The following AP1B1 variants were observed in gnomAD, a reference collection of about 807,000 sequenced individuals.
AP1B1 encodes AP-1 complex subunit beta-1.
Under a neutral mutation model 104.3 loss-of-function variants are expected in AP1B1, and 36 were observed. That is an observed-to-expected ratio of 0.35 (90% CI 0.26 to 0.46). The LOEUF is 0.46. AP1B1 is among the 20% of genes least tolerant of loss of function. AP1B1 has a pLI of 1.00. For synonymous variants in AP1B1, 504 were observed against 517.5 expected, an observed-to-expected ratio of 0.97 and a Z score of 0.35; for missense variants, 901 against 1,247.9, an observed-to-expected ratio of 0.72 and a Z score of 4.19.
chr22:29,331,486 G>T lies in AP1B1; in HGVS notation c.2487C>A (p.Tyr829Ter). The change falls in exon 19 of 23, where the codon TAC becomes TAA. Residue 829 changes from tyrosine to a stop codon, truncating the protein, a stop_gained. Coordinates refer to ENST00000357586, the MANE Select transcript of AP1B1 (RefSeq NM_001127.4). LOFTEE classifies it high-confidence loss of function. ...CCTCCACAAAGAGGATGTGCAGTGG[G>T]TACAAGGTGCTGAAGTAGAAGACAT... The part of the protein sequence containing the change: ...NIDVFYFSTL[Y>*]PLHILFVEDG... 1 of 1,614,204 alleles carries T rather than the reference G, an allele frequency of 6.2e-7. No individual in the cohort carries two copies. Among genetic ancestry groups the T allele is most frequent in the East Asian group, 2.2e-5 (1 of 44,890 alleles).
chr22:29,331,318 G>T, intron 19 of AP1B1, 131 bp downstream of exon 19: 1 of 915,228 alleles, frequency 1.1e-6, no homozygotes, highest in Non-Finnish European at 1.8e-6. Flanking sequence ...GCCCTGCAGG[G>T]AAGCAGCAAC....
chr22:29,336,836 A>G (rs532373586), intron 16 of AP1B1, among the ~76,000 whole-genome samples: 227 of 151,812 alleles, frequency 1.5e-3, no homozygotes, highest in African/African-American at 5.0e-3. Context: ...TGAACACACA[A>G]GCCTAGTGCC....
chr22:29,364,591 G>A (rs1279454622), intron 2 of AP1B1, among the ~76,000 whole-genome samples: 2 of 152,060 alleles, frequency 1.3e-5, no homozygotes, highest in Admixed American at 6.6e-5. Context: ...GCTAATTTTT[G>A]TATTTTTAGT....
intron 14 of AP1B1, among the ~76,000 whole-genome samples, 157 bp from the exon 15 acceptor site, chr22:29,339,931 G>A (rs1025627940): frequency 1.3e-5 from 2 of 151,578 alleles, no homozygotes; most frequent in African/African-American, 4.9e-5. Flanking sequence ...TCTGGCGAGA[G>A]GCCCAGACCC....
chr22:29,373,863 C>T (rs1048474007), intron 1 of AP1B1, among the ~76,000 whole-genome samples: 2 of 150,062 alleles, frequency 1.3e-5, no homozygotes, highest in African/African-American at 4.9e-5. Context: ...GGTGGCACCA[C>T]TGCACTCCAG....
intron 3 of AP1B1, among the ~76,000 whole-genome samples, chr22:29,362,508 G>A (rs569905569): frequency 6.6e-6 from 1 of 151,992 alleles, no homozygotes; most frequent in Non-Finnish European, 1.5e-5. Flanking sequence ...CACCATGCCC[G>A]GCTACTTTTT....
rs1216989959 is a variant in AP1B1 at position 29,349,202 on chromosome 22, C to T, written c.1437+16G>A. On this transcript the variant is annotated intron_variant, in intron 11 of 22. Coordinates refer to ENST00000357586, the MANE Select transcript of AP1B1 (RefSeq NM_001127.4). ...TGCCAGTCATGACTCACACCCTGGC[C>T]AGCTCGCTGGCTCACCTGTGTGCTC... 1.2e-6 allele frequency: 2 copies of T among 1,610,584 alleles called. No homozygotes were observed. Among genetic ancestry groups the T allele is most frequent in the Non-Finnish European group, 1.7e-6 (2 of 1,179,804 alleles).
intron 16 of AP1B1, among the ~76,000 whole-genome samples, chr22:29,338,154 G>A (rs9620884): frequency 0.028 from 4,240 of 152,210 alleles, 188 homozygotes; most frequent in African/African-American, 0.096. Context: ...CTACCATGGG[G>A]ACAACCACCC....
At chr22:29,367,940 C>T (rs1247501045) in intron 1 of AP1B1, among the ~76,000 whole-genome samples, 1 of 152,162 alleles carries the variant, frequency 6.6e-6, no homozygotes, top group African/African-American at 2.4e-5. Flanking sequence ...TCTACCTGGC[C>T]AGTTTTCTTA....
chr22:29,344,110 C>CAAAAAAAAAAAA (rs58337637), intron 11 of AP1B1, among the ~76,000 whole-genome samples: 6 of 89,752 alleles, frequency 6.7e-5, no homozygotes, highest in African/African-American at 2.4e-4. Context: ...GACTTTGTCT[C>CAAAAAAAAAAAA]AAAAAAAAAA....
intron 11 of AP1B1, among the ~76,000 whole-genome samples, chr22:29,348,121 A>G (rs1402009813): frequency 6.6e-6 from 1 of 152,146 alleles, no homozygotes; most frequent in African/African-American, 2.4e-5. Flanking sequence ...GATTCTCACT[A>G]CTTGAGCAAT....
At chr22:29,352,973 G>A (rs2061900398) in intron 7 of AP1B1, among the ~76,000 whole-genome samples, 1 of 152,118 alleles carries the variant, frequency 6.6e-6, no homozygotes, top group Admixed American at 6.6e-5. Context: ...CCTTTCACAT[G>A]TGTCATTGTT....
Position 29,383,660 on chromosome 22 carries a change from G to A in AP1B1, c.-28+4764C>T, listed in dbSNP as rs541129906. On this transcript the variant is annotated intron_variant, in intron 1 of 22. Coordinates refer to ENST00000357586, the MANE Select transcript of AP1B1 (RefSeq NM_001127.4). ...GGAGGCAGAGCTTGCAGTGAGCCGA[G>A]ATCACGCCACTGCACTCCAGACTCC... Among the ~76,000 whole-genome samples the A allele has an allele frequency of 2.3e-5, 3 of 129,888 alleles. No homozygotes were observed. The Admixed American group carries it at 2.8e-4, about 12-fold the overall frequency. The allele number at this position is 129,888 out of a possible 152,430, so 85.2% of individuals were successfully genotyped here. A position where few individuals can be genotyped will look rare whatever the true frequency, so the allele number is the denominator to read the frequency against.
At chr22:29,346,774 A>G (rs1026447073) in intron 11 of AP1B1, among the ~76,000 whole-genome samples, 1 of 150,838 alleles carries the variant, frequency 6.6e-6, no homozygotes, top group Non-Finnish European at 1.5e-5. Flanking sequence ...AAGCAAAGGC[A>G]GTCTGGAGGC....
intron 9 of AP1B1, among the ~76,000 whole-genome samples, chr22:29,350,674 T>A (rs534803292): frequency 1.3e-5 from 2 of 152,218 alleles, no homozygotes; most frequent in Non-Finnish European, 2.9e-5. Flanking sequence ...TAGCCACCAG[T>A]GGACCCATTT....
intron 1 of AP1B1, among the ~76,000 whole-genome samples, chr22:29,380,676 T>C (rs1020076599): frequency 2.6e-5 from 4 of 152,066 alleles, no homozygotes; most frequent in Non-Finnish European, 2.9e-5. Context: ...TCAAAATGAA[T>C]CTAGAATCCA....
chr22:29,330,173 C>A, intron 21 of AP1B1: 1 of 1,440,832 alleles, frequency 6.9e-7, no homozygotes, highest in South Asian at 1.4e-5. Flanking sequence ...ACTCACTGTT[C>A]CGAGACCCAA....
At chr22:29,360,168 C>G (rs1380250210) in intron 3 of AP1B1, among the ~76,000 whole-genome samples, 1 of 152,176 alleles carries the variant, frequency 6.6e-6, no homozygotes, top group Non-Finnish European at 1.5e-5. Flanking sequence ...ATTTTAAAAG[C>G]AGGAAAGTCC....
chr22:29,388,014 A>G (rs376699948), intron 1 of AP1B1, among the ~76,000 whole-genome samples: 1 of 152,170 alleles, frequency 6.6e-6, no homozygotes, highest in African/African-American at 2.4e-5. Flanking sequence ...ACCGTTTTCT[A>G]GTTTTTTTTT....
Sources: gnomAD v4.1 joint callset for allele counts (sites outside exome capture counted in the v4.1 genomes callset) on GRCh38, gnomAD v4.1.1 for gene constraint, MANE v1.5 for transcripts, NCBI Gene and HGNC (gene_info 2026-07-23, HGNC 2026-07-21) for gene names.